Variants in NTN5 observed in about 807,000 individuals in gnomAD.
NTN5 encodes netrin 5, also known as netrin-5.
NTN5 carries 42 observed loss-of-function variants against 38.7 expected under a neutral mutation model. The observed-to-expected ratio is 1.08, with a 90% CI of 0.85 to 1.40. The LOEUF (loss-of-function observed/expected upper bound fraction) is 1.40. Ranked by LOEUF, NTN5 falls within the 40% of genes most tolerant of loss-of-function variation. NTN5 has a pLI of 0.00. For missense variants in NTN5, 658 were observed against 716.5 expected, an observed-to-expected ratio of 0.92 and a Z score of 0.93; for synonymous variants, 329 against 303.9, an observed-to-expected ratio of 1.08 and a Z score of -0.86.
chr19:48,661,904 CG>C lies in NTN5; in HGVS notation c.1242del (p.Asp415ThrfsTer2). 1 of 1,355,808 alleles carries C rather than the reference CG, an allele frequency of 7.4e-7. No homozygotes were observed. The highest frequency in any genetic ancestry group is 9.5e-7 in the Non-Finnish European group (1 of 1,057,248). The allele number at this position is 1,355,808 out of a possible 1,614,324, so 84.0% of individuals were successfully genotyped here. On this transcript the variant is annotated frameshift_variant, in exon 7 of 7. Transcript: ENST00000270235. LOFTEE classifies it low-confidence loss of function (END_TRUNC). ...AGGCGCAGGCAGCCGCAGGTCAGGT[CG>C]GCGCGGGGCACCCAGGCGTCCTGGT... is the stretch of plus-strand genomic sequence containing the variant. ...RGDQDAWVPR[A>X]DLTCGCLRLQ...
At chr19:48,669,691 CCACCAT>C (rs2031862724) in intron 2 of NTN5, among the ~76,000 whole-genome samples, 1 of 126,476 alleles carries the variant, frequency 7.9e-6, no homozygotes, top group Admixed American at 7.6e-5. Context: ...ACCATCACCA[CCACCAT>C]CATCACCATC....
chr19:48,663,902 T>C, intron 4 of NTN5, 88 bp from the exon 5 acceptor site: 2 of 1,354,558 alleles, frequency 1.5e-6, no homozygotes, highest in Non-Finnish European at 1.1e-6. Context: ...ACCCAAACTC[T>C]TAAGTGTTTA....
chr19:48,661,696 C>A lies in NTN5; in HGVS notation c.1451G>T (p.Ser484Ile), dbSNP rs199848394. 1 of 1,556,484 alleles carries A rather than the reference C, an allele frequency of 6.4e-7. No homozygotes were observed. Among genetic ancestry groups the A allele is most frequent in the Non-Finnish European group, 8.6e-7 (1 of 1,161,166 alleles). The change falls in exon 7 of 7, where the codon AGT becomes ATT. Residue 484 changes from serine (S) to isoleucine (I), a missense_variant. Ser to Ile is a moderately radical substitution (Grantham distance 142). Transcript: ENST00000270235. ...TCACGTCTAGTGCTCCGGCCTGGGACTGGGTGTGGGTGCCCGCACGCCGCG... is the reference window on the plus strand; with the variant it reads ...TCACGTCTAGTGCTCCGGCCTGGGAATGGGTGTGGGTGCCCGCACGCCGCG... ...GCRGVRAPTP[S>I]PRPEH
chr19:48,662,058 T>C lies in NTN5; in HGVS notation c.1106-17A>G. ...CGCGGAGAACTGTGGGGAGGGGAGA[T>C]GTCAGCCCAGGTCGTGGGGAGCTTC... On this transcript the variant is annotated splice_polypyrimidine_tract_variant and intron_variant, in intron 6 of 6. Coordinates refer to ENST00000270235, the MANE Select transcript of NTN5 (RefSeq NM_145807.4). 6.9e-7 allele frequency: 1 copy of C among 1,443,566 alleles called. No individual in the cohort carries two copies. Among genetic ancestry groups the C allele is most frequent in the Non-Finnish European group, 9.0e-7 (1 of 1,105,404 alleles). The allele number at this position is 1,443,566 out of a possible 1,614,324, so 89.4% of individuals were successfully genotyped here.
Position 48,661,803 on chromosome 19 carries a change from G to A in NTN5, c.1344C>T (p.Arg448=). 1 of 1,359,516 alleles carries A rather than the reference G, an allele frequency of 7.4e-7. No individual in the cohort carries two copies. Among genetic ancestry groups the A allele is most frequent in the South Asian group, 1.6e-5 (1 of 60,912 alleles). 84.2% of individuals were successfully genotyped at this position (1,359,516 alleles called of 1,614,324 possible). The change falls in exon 7 of 7, where the codon CGC becomes CGT. Residue 448 remains arginine, a synonymous_variant. Transcript: ENST00000270235. ...GCCTCCATGGCAGCGCGAGGCCGTGGCGGTCGAGGATGAGGCGCGTGGGGT... is the reference window on the plus strand; with the variant it reads ...GCCTCCATGGCAGCGCGAGGCCGTGACGGTCGAGGATGAGGCGCGTGGGGT... ...DPDPTRLILD[R]HGLALPWRPR... is the part of the protein sequence containing the mutation.
chr19:48,670,427 T>A lies in NTN5; in HGVS notation c.560A>T (p.Glu187Val). ...CRHHTTGPGC[E>V]SCRPSHRDWP... ...GTCTCGATGGGACGGGCGGCAGCTC[T>A]CGCACCCCGGGCCAGTGGTATGGTG... The change falls in exon 2 of 7, where the codon GAG becomes GTG. Residue 187 changes from glutamate (E) to valine (V), a missense_variant. Glu to Val is a moderately radical substitution (Grantham distance 121). Coordinates refer to ENST00000270235, the MANE Select transcript of NTN5 (RefSeq NM_145807.4). The A allele has an allele frequency of 6.9e-7, 1 of 1,453,344 alleles. No individual in the cohort carries two copies. 90.0% of individuals were successfully genotyped at this position (1,453,344 alleles called of 1,614,324 possible).
Position 48,670,382 on chromosome 19 carries a change from G to A in NTN5, c.605C>T (p.Thr202Met), listed in dbSNP as rs958941083. 8.5e-6 allele frequency: 12 copies of A among 1,415,908 alleles called. No homozygotes were observed. In the Admixed American group the frequency reaches 9.9e-5, roughly 12 times the overall value. The allele number at this position is 1,415,908 out of a possible 1,614,324, so 87.7% of individuals were successfully genotyped here. ...TAGGCAAGGGTGGGGGTGCCGGGGCGTGGCAGGCCGCCAGGGCCAGTCTCG... is the reference window on the plus strand; with the variant it reads ...TAGGCAAGGGTGGGGGTGCCGGGGCATGGCAGGCCGCCAGGGCCAGTCTCG... ...SHRDWPWRPATPRHPHPCLPC... is the reference protein window; with the variant it reads ...SHRDWPWRPAMPRHPHPCLPC... Residue 202 changes from threonine (T) to methionine (M), a missense_variant, in exon 2 of 7, where the codon ACG becomes ATG. By Grantham distance (81) the Thr-to-Met change is moderately conservative. Coordinates refer to ENST00000270235, the MANE Select transcript of NTN5 (RefSeq NM_145807.4).
chr19:48,662,108 G>T lies in NTN5; in HGVS notation c.1106-67C>A, dbSNP rs1256071741. 8 of 1,339,082 alleles carry T rather than the reference G, an allele frequency of 6.0e-6. No homozygotes were observed. In the African/African-American group the frequency reaches 1.2e-4, roughly 21 times the overall value. The allele number at this position is 1,339,082 out of a possible 1,614,324, so 83.0% of individuals were successfully genotyped here. A position where few individuals can be genotyped will look rare whatever the true frequency, so the allele number is the denominator to read the frequency against. On this transcript the variant is annotated intron_variant, in intron 6 of 6. Coordinates refer to ENST00000270235, the MANE Select transcript of NTN5 (RefSeq NM_145807.4). The stretch of plus-strand genomic sequence containing the variant: ...CCAGGGTACCTCTGGGTCCCGTGGG[G>T]TCAGTCACAGTGGGCAGGAGCCCGA...
At chr19:48,671,803 G>GCC (rs2031968715) in intron 1 of NTN5, among the ~76,000 whole-genome samples, 1 of 151,984 alleles carries the variant, frequency 6.6e-6, no homozygotes, top group Non-Finnish European at 1.5e-5. Flanking sequence ...AAACAACCCA[G>GCC]CCTCCCTGCC....
chr19:48,663,397 G>C, intron 6 of NTN5, 66 bp downstream of exon 6: 1 of 1,367,846 alleles, frequency 7.3e-7, no homozygotes, highest in Non-Finnish European at 1.0e-6. Context: ...CAGAAAGGGG[G>C]TGGCTTAGAA....
rs533570940 is a variant in NTN5, at chr19:48,661,721, G to T, written c.1426C>A (p.Arg476Ser). 2.6e-6 allele frequency: 4 copies of T among 1,553,280 alleles called. No individual in the cohort carries two copies. The East Asian group carries it at 1.0e-4, about 39-fold the overall frequency. ...LQQEERAGGCRGVRAPTPSPR... is the reference protein window; with the variant it reads ...LQQEERAGGCSGVRAPTPSPR... ...CTGGGTGTGGGTGCCCGCACGCCGCGGCAGCCTCCGGCGCGCTCCTCCTGC... is the reference window on the plus strand; with the variant it reads ...CTGGGTGTGGGTGCCCGCACGCCGCTGCAGCCTCCGGCGCGCTCCTCCTGC... Residue 476 changes from arginine (R) to serine (S), a missense_variant, in exon 7 of 7, where the codon CGC becomes AGC. Transcript: ENST00000270235.
chr19:48,670,457 C>A lies in NTN5; in HGVS notation c.530G>T (p.Cys177Phe). ...AARARPPRCHCRHHTTGPGCE... is the reference protein window; with the variant it reads ...AARARPPRCHFRHHTTGPGCE... ...CCCCGGGCCAGTGGTATGGTGGCGG[C>A]AGTGGCAGCGGGGGGGCCGGGCACG... is the stretch of plus-strand genomic sequence containing the variant. The change falls in exon 2 of 7, where the codon TGC becomes TTC. Residue 177 changes from cysteine (C) to phenylalanine (F), a missense_variant. Physicochemically the swap from Cys to Phe is radical, Grantham distance 205. Coordinates refer to ENST00000270235, the MANE Select transcript of NTN5 (RefSeq NM_145807.4). The A allele has an allele frequency of 6.8e-7, 1 of 1,476,694 alleles. No individual in the cohort carries two copies. Among genetic ancestry groups the A allele is most frequent in the Admixed American group, 2.5e-5 (1 of 39,450 alleles). The allele number at this position is 1,476,694 out of a possible 1,614,324, so 91.5% of individuals were successfully genotyped here.
At chr19:48,667,473 AC>A in intron 2 of NTN5, 2 of 276,768 alleles carry the variant, frequency 7.2e-6, no homozygotes, top group South Asian at 2.7e-5. Flanking sequence ...GGTGAGTCTC[AC>A]CCCTCACTCC....
In NTN5 at chr19:48,664,195, G is replaced by A; in HGVS notation, c.918C>T (p.Asn306=). 2 of 1,610,258 alleles carry A rather than the reference G, an allele frequency of 1.2e-6. No homozygotes were observed. The highest frequency in any genetic ancestry group is 1.1e-5 in the South Asian group (1 of 90,346). The change falls in exon 4 of 7, where the codon AAC becomes AAT. Residue 306 remains asparagine (N), a synonymous_variant. Coordinates refer to ENST00000270235, the MANE Select transcript of NTN5 (RefSeq NM_145807.4). ...CKLGVTGLTC[N]RCGPGYQQSR... ...TCTGCTGGTAGCCAGGGCCACAGCG[G>A]TTGCAGGTCAGGCCTGTGACCCCTA...
At chr19:48,664,536 C>T (rs1013738348) in intron 3 of NTN5, 43 bp downstream of exon 3, 3 of 1,531,244 alleles carry the variant, frequency 2.0e-6, no homozygotes, top group Non-Finnish European at 2.6e-6. Flanking sequence ...GGAGTCCAGC[C>T]CTACCTCTGC....
Position 48,670,807 on chromosome 19 carries a change from G to A in NTN5, c.180C>T (p.Thr60=). ...GGGCCAAAGTCAGGCTGCCATTGCA[G>A]GTTTCCCTGGCGCCAAGGTGGTTTC... is the stretch of plus-strand genomic sequence containing the variant. ...SPGNHLGARE[T]CNGSLTLALG... is the part of the protein sequence containing the mutation. The change falls in exon 2 of 7, where the codon ACC becomes ACT. Residue 60 remains threonine, a synonymous_variant. Coordinates refer to ENST00000270235, the MANE Select transcript of NTN5 (RefSeq NM_145807.4). 1.2e-6 allele frequency: 2 copies of A among 1,613,144 alleles called. No individual in the cohort carries two copies. Among genetic ancestry groups the A allele is most frequent in the Non-Finnish European group, 1.7e-6 (2 of 1,179,972 alleles).
chr19:48,664,893 T>G, intron 2 of NTN5, 126 bp from the exon 3 acceptor site: 1 of 741,970 alleles, frequency 1.3e-6, no homozygotes, highest in Non-Finnish European at 2.0e-6. Flanking sequence ...AGAGAATGCC[T>G]GGGTCCCAGG....
chr19:48,669,818 A>G (rs1412124109), intron 2 of NTN5, among the ~76,000 whole-genome samples: 1 of 125,532 alleles, frequency 8.0e-6, no homozygotes, highest in Admixed American at 7.8e-5. Context: ...CATCACCATC[A>G]CCACCACCAC....
In NTN5 at chr19:48,663,536, C is replaced by CT; in HGVS notation, c.1031dup (p.Cys345ValfsTer166). The CT allele has an allele frequency of 6.2e-7, 1 of 1,614,188 alleles. No individual in the cohort carries two copies. The highest frequency in any genetic ancestry group is 8.5e-7 in the Non-Finnish European group (1 of 1,180,006). On this transcript the variant is annotated frameshift_variant, in exon 6 of 7. Coordinates refer to ENST00000270235, the MANE Select transcript of NTN5 (RefSeq NM_145807.4). LOFTEE classifies it high-confidence loss of function. Reference sequence around the variant, plus strand: ...CCGACATATTGCAGTAGTTTTGACACTGAGGGTCTGGGGAGGGTCAGGCTG... The same window carrying CT: ...CCGACATATTGCAGTAGTTTTGACACTTGAGGGTCTGGGGAGGGTCAGGCTG...
Sources: allele counts gnomAD v4.1 joint callset (sites outside exome capture counted in the v4.1 genomes callset), GRCh38; gene constraint gnomAD v4.1.1; transcripts MANE v1.5; gene names NCBI Gene and HGNC (gene_info 2026-07-23, HGNC 2026-07-21).